Variants in LMBR1L observed in about 807,000 individuals in gnomAD.
LMBR1L encodes the protein limb development membrane protein 1 like.
In LMBR1L, 47 loss-of-function variants were observed where a neutral mutation model predicts 67.3. The observed-to-expected ratio is 0.70, with a 90% confidence interval of 0.55 to 0.89. LMBR1L has a LOEUF of 0.89. Among genes scored for constraint, LMBR1L ranks in the 40% least tolerant of loss-of-function variants. LMBR1L has a pLI of 0.00. For missense variants in LMBR1L, 533 were observed against 599.2 expected (o/e 0.89, Z 1.15); for synonymous variants, 247 against 250.3 (o/e 0.99, Z 0.13).
intron 5 of LMBR1L, chr12:49,104,233 C>T (rs1233009851): frequency 1.8e-6 from 1 of 570,054 alleles, no homozygotes; most frequent in Non-Finnish European, 3.1e-6. Context: ...CTCTGGGCAG[C>T]TTCACATCCC....
rs553899639 is a variant in LMBR1L, at chr12:49,097,709, C to T, written c.1433G>A (p.Gly478Asp). 1.2e-6 allele frequency: 2 copies of T among 1,613,900 alleles called. No individual in the cohort carries two copies. The highest frequency in any genetic ancestry group is 1.3e-5 in the African/African-American group (1 of 75,032). ...GGTCTTCCTAGATGCCTGGGGGAAACCGGAGACGGGCAGCGGCAGTCTGTC... is the reference window on the plus strand; with the variant it reads ...GGTCTTCCTAGATGCCTGGGGGAAATCGGAGACGGGCAGCGGCAGTCTGTC... ...GLDRLPLPVS[G>D]FPQASRKTQH... The change falls in exon 17 of 17, where the codon GGT (glycine) becomes GAT (aspartate). Residue 478 changes from glycine (G) to aspartate (D), a missense_variant. Coordinates refer to ENST00000267102, the MANE Select transcript of LMBR1L (RefSeq NM_018113.4).
intron 15 of LMBR1L, among the ~76,000 whole-genome samples, chr12:49,099,555 T>C (rs1014281214): frequency 4.0e-5 from 6 of 151,284 alleles, no homozygotes; most frequent in African/African-American, 1.5e-4. Flanking sequence ...CACACTACCT[T>C]GGGGTGAACT....
At chr12:49,104,007 C>A in intron 5 of LMBR1L, 194 bp from the exon 6 acceptor site, 1 of 569,504 alleles carries the variant, frequency 1.8e-6, no homozygotes, top group Non-Finnish European at 3.0e-6. Context: ...AGGTGTTCTT[C>A]ATTTGCATCT....
In LMBR1L at chr12:49,102,597, C is replaced by T. The variant is rs971777069; in HGVS notation, c.697-57G>A. ...TCAGAGGCTCCCTGACCCAAAGGCC[C>T]CAGGAGAACCCTGTTCTTCCCAGGG... is the stretch of plus-strand genomic sequence containing the variant. On this transcript the variant is annotated intron_variant, in intron 8 of 16. Coordinates refer to ENST00000267102, the MANE Select transcript of LMBR1L (RefSeq NM_018113.4). 2.6e-6 allele frequency: 4 copies of T among 1,541,248 alleles called. No homozygotes were observed. The Admixed American group carries it at 6.7e-5, about 26-fold the overall frequency.
At chr12:49,100,731 T>TA in intron 13 of LMBR1L, 85 bp from the exon 14 acceptor site, 6 of 1,029,372 alleles carry the variant, frequency 5.8e-6, no homozygotes, top group Non-Finnish European at 8.5e-6. Flanking sequence ...CCAGCCCACT[T>TA]CTTTTTTTTT....
In LMBR1L at chr12:49,102,887, C is replaced by G. The variant is rs752320914; in HGVS notation, c.696G>C (p.Arg232=). 8 of 1,613,872 alleles carry G rather than the reference C, an allele frequency of 5.0e-6. No homozygotes were observed. The highest frequency in any genetic ancestry group is 6.8e-6 in the Non-Finnish European group (8 of 1,179,914). ...SVTGKLLVKP[R]LLEDLEEQLY... ...TCAAAGAGCAAGGAATACCACATAC[C>G]CGGGGCTTGACTAGCAGCTTCCCAG... The change falls in exon 8 of 17, where the codon CGG becomes CGC. Residue 232 remains arginine (R), a splice_region_variant and synonymous_variant. Coordinates refer to ENST00000267102, the MANE Select transcript of LMBR1L (RefSeq NM_018113.4).
chr12:49,103,218 T>C, intron 6 of LMBR1L, 59 bp from the exon 7 acceptor site: 1 of 1,450,050 alleles, frequency 6.9e-7, no homozygotes, highest in Non-Finnish European at 9.6e-7. Flanking sequence ...GTCCCCAGGC[T>C]GACAGGCCTC....
At chr12:49,103,622 T>C in intron 6 of LMBR1L, 65 bp downstream of exon 6, 1 of 1,546,244 alleles carries the variant, frequency 6.5e-7, no homozygotes, top group South Asian at 1.2e-5. Flanking sequence ...GTTACAGTCA[T>C]TCCAGGCAGG....
At chr12:49,106,296 G>A (rs1940898190) in intron 2 of LMBR1L, 1 of 393,886 alleles carries the variant, frequency 2.5e-6, no homozygotes, top group East Asian at 5.9e-5. Flanking sequence ...TACATCAGTG[G>A]CTGGGTCCAG....
chr12:49,100,229 C>CT (rs1475078609), intron 15 of LMBR1L, among the ~76,000 whole-genome samples, 159 bp downstream of exon 15: 6 of 152,218 alleles, frequency 3.9e-5, no homozygotes, highest in Non-Finnish European at 7.3e-5. Flanking sequence ...AGTGTAGGCA[C>CT]TTTACAGAGC....
Position 49,100,773 on chromosome 12 carries a change from G to A in LMBR1L, c.1083-127C>T, listed in dbSNP as rs1170660373. On this transcript the variant is annotated intron_variant, in intron 13 of 16. Transcript: ENST00000267102. ...GACAGGGTCTCACTTTGTCACCCAG[G>A]CTGGAGTGCAGTGGTGCGATTTCAG... 46 of 727,566 alleles carry A rather than the reference G, an allele frequency of 6.3e-5. No homozygotes were observed. The South Asian group carries it at 8.2e-4, about 13-fold the overall frequency. The allele number at this position is 727,566 out of a possible 1,614,324, so 45.1% of individuals were successfully genotyped here.
intron 2 of LMBR1L, 83 bp from the exon 3 acceptor site, chr12:49,106,040 T>C (rs1269717818): frequency 8.4e-7 from 1 of 1,184,322 alleles, no homozygotes; most frequent in Non-Finnish European, 1.2e-6. Context: ...ATGTGCTCCC[T>C]GCCCCATCCC....
Position 49,097,534 on chromosome 12 carries a change from T to C in LMBR1L, c.*138A>G. On this transcript the variant is annotated 3_prime_UTR_variant, in exon 17 of 17. Coordinates refer to ENST00000267102, the MANE Select transcript of LMBR1L (RefSeq NM_018113.4). ...AACTCTGGCTCAGATTATGCAATAG[T>C]GCAGATGGCTCTGCTCCCCTCTGCC... The C allele has an allele frequency of 1.2e-6, 1 of 805,570 alleles. No homozygotes were observed. The highest frequency in any genetic ancestry group is 2.5e-5 in the East Asian group (1 of 40,362). The allele number at this position is 805,570 out of a possible 1,614,324, so 49.9% of individuals were successfully genotyped here.
At position 49,097,421 on chromosome 12, in the gene LMBR1L, T is replaced by C. The variant is rs1475141230; in HGVS notation, c.*251A>G. The stretch of plus-strand genomic sequence containing the variant: ...GAGGCAGATTGATGTGTAAACAGAT[T>C]TGGGATCAGGGGCTAGACCCAGTCA... On this transcript the variant is annotated 3_prime_UTR_variant, in exon 17 of 17. Transcript: ENST00000267102. The C allele has an allele frequency of 1.5e-5, 8 of 536,754 alleles. No individual in the cohort carries two copies. The highest frequency in any genetic ancestry group is 2.7e-5 in the Non-Finnish European group (8 of 296,116). The allele number at this position is 536,754 out of a possible 1,614,324, so 33.2% of individuals were successfully genotyped here.
At chr12:49,098,210 G>T in intron 15 of LMBR1L, 105 bp from the exon 16 acceptor site, 1 of 1,237,196 alleles carries the variant, frequency 8.1e-7, no homozygotes, top group Non-Finnish European at 1.1e-6. Context: ...CACTGCAACT[G>T]ATAGGTTGGC....
At chr12:49,097,793 G>A in intron 16 of LMBR1L, 54 bp from the exon 17 acceptor site, 1 of 1,609,980 alleles carries the variant, frequency 6.2e-7, no homozygotes, top group South Asian at 1.1e-5. Flanking sequence ...AGTCCGTTAG[G>A]GACCAGGCAG....
At chr12:49,105,383 C>A (rs766477190) in intron 3 of LMBR1L, among the ~76,000 whole-genome samples, 15 of 152,136 alleles carry the variant, frequency 9.9e-5, no homozygotes, top group Non-Finnish European at 1.9e-4. Context: ...AGGTCTATGC[C>A]CCGGGCTGCA....
chr12:49,108,961 G>C (rs1941241067), intron 1 of LMBR1L, among the ~76,000 whole-genome samples: 1 of 152,100 alleles, frequency 6.6e-6, no homozygotes, highest in Non-Finnish European at 1.5e-5. Flanking sequence ...TTGATATTAG[G>C]GAAGCAGAAC....
At chr12:49,101,186 C>G (rs982395633) in intron 13 of LMBR1L, 64 bp downstream of exon 13, 1 of 1,613,440 alleles carries the variant, frequency 6.2e-7, no homozygotes, top group South Asian at 1.1e-5. Flanking sequence ...AAGAAGTGCT[C>G]GGTCTAGAGT....
Sources: gnomAD v4.1 joint callset for allele counts (sites outside exome capture counted in the v4.1 genomes callset) on GRCh38, gnomAD v4.1.1 for gene constraint, MANE v1.5 for transcripts, NCBI Gene and HGNC (gene_info 2026-07-23, HGNC 2026-07-21) for gene names.